Variants in TLE4 observed in about 807,000 individuals in gnomAD.
The protein encoded by TLE4 is TLE family member 4, transcriptional corepressor.
Under a neutral mutation model 92.8 loss-of-function variants are expected in TLE4, and 8 were observed. The ratio of observed to expected loss-of-function variants is 0.09; its 90% CI spans 0.05 to 0.16. The LOEUF (loss-of-function observed/expected upper bound fraction) is 0.16. Among genes scored for constraint, TLE4 ranks in the 10% least tolerant of loss-of-function variants. The pLI is 1.00. For missense variants in TLE4, 675 were observed against 997.6 expected, an observed-to-expected ratio of 0.68 and a Z score of 4.36; for synonymous variants, 371 against 374.1, an observed-to-expected ratio of 0.99 and a Z score of 0.10.
At position 79,708,245 on chromosome 9, in the gene TLE4, C is replaced by A. The variant is rs1205807343; in HGVS notation, c.1064C>A (p.Pro355His). ...PVPGKPPGVDPLASSLRTPMA... is the reference protein window; with the variant it reads ...PVPGKPPGVDHLASSLRTPMA... ...CCTGGAAAACCACCAGGAGTTGACC[C>A]TTTGGGTTAGTAAGAAAAAAGTTTT... Residue 355 changes from proline to histidine, a missense_variant, in exon 12 of 20, where the codon CCT becomes CAT. Pro to His is a moderately conservative substitution (Grantham distance 77). Transcript: ENST00000376552. The A allele has an allele frequency of 2.5e-6, 4 of 1,609,076 alleles. No individual in the cohort carries two copies. Among genetic ancestry groups the A allele is most frequent in the Non-Finnish European group, 3.4e-6 (4 of 1,178,888 alleles).
chr9:79,721,880 A>G lies in TLE4; in HGVS notation c.1978A>G (p.Thr660Ala), dbSNP rs373197227. The part of the protein sequence containing the change: ...EGRQLQQHDF[T>A]SQIFSLGYCP... Reference sequence around the variant, plus strand: ...GCGGCAGCTGCAGCAGCACGACTTCACCTCCCAGGTATGATCCGTGGCTGA... The same window carrying G: ...GCGGCAGCTGCAGCAGCACGACTTCGCCTCCCAGGTATGATCCGTGGCTGA... Residue 660 changes from threonine to alanine, a missense_variant, in exon 17 of 20, where the codon ACC becomes GCC. Around this residue, in one of 5 missense-constraint regions of TLE4, gnomAD observed 170 missense variants for 359.6 expected, o/e 0.47. Coordinates refer to ENST00000376552, the MANE Select transcript of TLE4 (RefSeq NM_007005.6). 37 of 1,612,804 alleles carry G rather than the reference A, an allele frequency of 2.3e-5. No individual in the cohort carries two copies. Among genetic ancestry groups the G allele is most frequent in the Non-Finnish European group, 3.0e-5 (35 of 1,179,612 alleles).
At chr9:79,601,224 A>G (rs183606594) in intron 4 of TLE4, among the ~76,000 whole-genome samples, 2 of 152,352 alleles carry the variant, frequency 1.3e-5, no homozygotes, top group Non-Finnish European at 1.5e-5. Context: ...GCACACTATG[A>G]TAATTTATTA....
intron 8 of TLE4, among the ~76,000 whole-genome samples, chr9:79,694,118 C>A (rs963637852): frequency 2.0e-5 from 3 of 151,636 alleles, no homozygotes; most frequent in African/African-American, 4.9e-5. Context: ...AGGGCAAGGG[C>A]GGAGGGGGGA....
chr9:79,680,945 G>A (rs895625310), intron 8 of TLE4, among the ~76,000 whole-genome samples: 4 of 152,100 alleles, frequency 2.6e-5, no homozygotes, highest in African/African-American at 7.2e-5. Context: ...ATTTGCGTTT[G>A]TTGAACCAGC....
At chr9:79,714,949 G>A (rs1346107521) in intron 14 of TLE4, among the ~76,000 whole-genome samples, 3 of 152,192 alleles carry the variant, frequency 2.0e-5, no homozygotes, top group Non-Finnish European at 4.4e-5. Flanking sequence ...TAATAAGTAT[G>A]TACTAGAGCT....
At chr9:79,614,533 T>C (rs895138029) in intron 5 of TLE4, among the ~76,000 whole-genome samples, 2 of 152,164 alleles carry the variant, frequency 1.3e-5, no homozygotes, top group African/African-American at 4.8e-5. Context: ...GTTGTACCTG[T>C]AGGTGAAAGC....
At chr9:79,664,556 T>C (rs1388187314) in intron 8 of TLE4, among the ~76,000 whole-genome samples, 2 of 152,172 alleles carry the variant, frequency 1.3e-5, no homozygotes, top group Non-Finnish European at 2.9e-5. Context: ...TCTGACCTTA[T>C]TTAGGGAAAT....
At chr9:79,716,132 C>A (rs2074448139) in intron 14 of TLE4, among the ~76,000 whole-genome samples, 1 of 152,204 alleles carries the variant, frequency 6.6e-6, no homozygotes, top group Non-Finnish European at 1.5e-5. Context: ...AGAATCATAT[C>A]TGTACTCATC....
chr9:79,623,934 T>C (rs1049305775), intron 5 of TLE4, among the ~76,000 whole-genome samples: 2 of 152,006 alleles, frequency 1.3e-5, no homozygotes, highest in African/African-American at 4.8e-5. Flanking sequence ...CAACACTTGG[T>C]CTCTGCAGAT....
chr9:79,679,693 T>C (rs1023384188), intron 8 of TLE4, among the ~76,000 whole-genome samples: 1 of 152,240 alleles, frequency 6.6e-6, no homozygotes, highest in Admixed American at 6.5e-5. Context: ...TCCTTGCCCA[T>C]GCCTATGTCC....
chr9:79,640,553 A>G (rs139414448), intron 6 of TLE4, among the ~76,000 whole-genome samples: 107 of 152,160 alleles, frequency 7.0e-4, no homozygotes, highest in African/African-American at 2.5e-3. Context: ...TGGTACAACT[A>G]TCTACCTAGT....
intron 4 of TLE4, among the ~76,000 whole-genome samples, chr9:79,607,729 G>A (rs562644460): frequency 6.6e-6 from 1 of 152,080 alleles, no homozygotes; most frequent in Non-Finnish European, 1.5e-5. Flanking sequence ...CTGTTCCATT[G>A]GTCTATATCT....
Position 79,706,865 on chromosome 9 carries a change from G to C in TLE4, c.902G>C (p.Ser301Thr). 1 of 1,614,182 alleles carries C rather than the reference G, an allele frequency of 6.2e-7. No homozygotes were observed. Among genetic ancestry groups the C allele is most frequent in the Non-Finnish European group, 8.5e-7 (1 of 1,180,042 alleles). ...ISPASIASSS[S>T]TPSSKSKELS... ...CCAGCCTCTATTGCATCTTCCAGCA[G>C]TACTCCCTCCTCCAAATCCAAAGAA... Residue 301 changes from serine to threonine, a missense_variant, in exon 11 of 20, where the codon AGT becomes ACT. This residue lies in a region of TLE4 where 280 missense variants were observed against 287.3 expected (regional missense o/e 0.97). Transcript: ENST00000376552.
rs74738056 is a variant in TLE4 at position 79,574,676 on chromosome 9, C to T, written c.144-197C>T. The stretch of plus-strand genomic sequence containing the variant: ...AAAAAATCCTAAAAACAAAAAACCA[C>T]ATATATGATCCTTATTGAAGGGGCA... On this transcript the variant is annotated intron_variant, in intron 2 of 19. Transcript: ENST00000376552. 9.3e-3 allele frequency among the ~76,000 whole-genome samples: 1,410 copies of T among 152,248 alleles called. 11 individuals carry two copies. The highest frequency in any genetic ancestry group is 0.014 in the Non-Finnish European group (973 of 68,030).
chr9:79,683,872 G>A lies in TLE4; in HGVS notation c.610-20911G>A, dbSNP rs117519012. ...CCAAATAAAGTTTTGTGGAGGGCAT[G>A]TACAATGATGAAACGTGCAGAAATG... is the stretch of plus-strand genomic sequence containing the variant. On this transcript the variant is annotated intron_variant, in intron 8 of 19. Coordinates refer to ENST00000376552, the MANE Select transcript of TLE4 (RefSeq NM_007005.6). 7.3e-3 allele frequency among the ~76,000 whole-genome samples: 1,108 copies of A among 152,294 alleles called. 12 individuals are homozygous for A. Among genetic ancestry groups the A allele is most frequent in the Non-Finnish European group, 0.011 (758 of 68,022 alleles).
chr9:79,656,071 T>C (rs964323005), intron 8 of TLE4, among the ~76,000 whole-genome samples: 1 of 152,194 alleles, frequency 6.6e-6, no homozygotes, highest in African/African-American at 2.4e-5. Flanking sequence ...CATCTATAAA[T>C]AGATGTTTTG....
chr9:79,658,975 T>G (rs576346698), intron 8 of TLE4, among the ~76,000 whole-genome samples: 1 of 152,304 alleles, frequency 6.6e-6, no homozygotes, highest in South Asian at 2.1e-4. Context: ...GCATATCCAC[T>G]GTAACCTAGG....
At chr9:79,720,634 T>G (rs1403837568) in intron 16 of TLE4, among the ~76,000 whole-genome samples, 1 of 152,130 alleles carries the variant, frequency 6.6e-6, no homozygotes, top group Non-Finnish European at 1.5e-5. Context: ...TACATAAAGT[T>G]TCCATGACCC....
chr9:79,693,060 GACTCT>G (rs2067411004), intron 8 of TLE4, among the ~76,000 whole-genome samples: 1 of 152,242 alleles, frequency 6.6e-6, no homozygotes, highest in East Asian at 1.9e-4. Flanking sequence ...CTTCCCTTTA[GACTCT>G]ACTCTCTAAT....
Sources: gnomAD v4.1 joint callset for allele counts (sites outside exome capture counted in the v4.1 genomes callset) on GRCh38, gnomAD v4.1.1 for gene constraint, gnomAD v4.1.1 regional missense constraint, MANE v1.5 for transcripts, NCBI Gene and HGNC (gene_info 2026-07-23, HGNC 2026-07-21) for gene names.